Variants in SLC44A5 observed in about 807,000 individuals in gnomAD.
SLC44A5 encodes solute carrier family 44 member 5, also known as choline transporter-like protein 5.
Under a neutral mutation model 101.8 loss-of-function variants are expected in SLC44A5, and 57 were observed. The ratio of observed to expected loss-of-function variants is 0.56; its 90% CI spans 0.45 to 0.70. The LOEUF (loss-of-function observed/expected upper bound fraction) is 0.70, where lower values mean the gene tolerates loss of function less well. Ranked by LOEUF, SLC44A5 falls within the 30% of genes least tolerant of loss-of-function variation. The pLI is 0.00. For missense variants in SLC44A5, 737 were observed against 853.1 expected, an observed-to-expected ratio of 0.86 and a Z score of 1.70; for synonymous variants, 281 against 290.9, an observed-to-expected ratio of 0.97 and a Z score of 0.35.
chr1:75,226,372 C>A (rs1647195221), intron 13 of SLC44A5, among the ~76,000 whole-genome samples: 1 of 151,958 alleles, frequency 6.6e-6, no homozygotes, highest in African/African-American at 2.4e-5. Flanking sequence ...CTGTCTGAGC[C>A]CCTTTGCTAA....
At chr1:75,269,318 C>T (rs959081504) in intron 6 of SLC44A5, among the ~76,000 whole-genome samples, 1 of 151,852 alleles carries the variant, frequency 6.6e-6, no homozygotes, top group African/African-American at 2.4e-5. Flanking sequence ...GGTGTTGATA[C>T]ATTTGGTCAG....
chr1:75,677,038 T>C, the SLC44A5 span, among the ~76,000 whole-genome samples: 2 of 152,142 alleles, frequency 1.3e-5, no homozygotes, highest in African/African-American at 4.8e-5. Context: ...ATTAAGGACT[T>C]TCCCAGATAA....
intron 12 of SLC44A5, 92 bp from the exon 13 acceptor site, chr1:75,227,949 A>G: frequency 9.8e-7 from 1 of 1,021,302 alleles, no homozygotes. Flanking sequence ...TATGAAACTG[A>G]TCAGCATGGT....
At chr1:75,423,706 T>C (rs1051453737) in intron 2 of SLC44A5, among the ~76,000 whole-genome samples, 3 of 152,244 alleles carry the variant, frequency 2.0e-5, no homozygotes, top group Non-Finnish European at 4.4e-5. Flanking sequence ...GACGCACTTA[T>C]CTGTTTACTA....
At chr1:75,289,859 T>C (rs180720291) in intron 5 of SLC44A5, among the ~76,000 whole-genome samples, 2 of 152,324 alleles carry the variant, frequency 1.3e-5, no homozygotes, top group Admixed American at 1.3e-4. Flanking sequence ...TACATTGTCA[T>C]GGACTACAAA....
chr1:75,221,498 A>G (rs1647079717), intron 14 of SLC44A5, among the ~76,000 whole-genome samples: 1 of 152,166 alleles, frequency 6.6e-6, no homozygotes, highest in South Asian at 2.1e-4. Flanking sequence ...CTCTTGGTAT[A>G]AAGTGTTCCT....
At chr1:75,517,469 G>T (rs903229983) in intron 2 of SLC44A5, among the ~76,000 whole-genome samples, 3 of 152,176 alleles carry the variant, frequency 2.0e-5, no homozygotes, top group Middle Eastern at 3.4e-3. Context: ...AGGAGTGGAG[G>T]TGGATCAAAC....
At chr1:75,615,587 C>G (rs1400819856), upstream of SLC44A5, among the ~76,000 whole-genome samples, 2 of 152,086 alleles carry the variant, frequency 1.3e-5, no homozygotes, top group Non-Finnish European at 2.9e-5. Flanking sequence ...TACCCAAGCT[C>G]GCCGAGTAGC....
At chr1:75,599,012 T>C (rs1674814784) in intron 1 of SLC44A5, among the ~76,000 whole-genome samples, 1 of 152,216 alleles carries the variant, frequency 6.6e-6, no homozygotes, top group Admixed American at 6.5e-5. Context: ...CAGTTAATTA[T>C]GCCAGTTATG....
intron 2 of SLC44A5, among the ~76,000 whole-genome samples, chr1:75,437,021 C>A (rs779183254): frequency 1.3e-5 from 2 of 152,114 alleles, no homozygotes; most frequent in Non-Finnish European, 2.9e-5. Flanking sequence ...GAGCTGTCAT[C>A]TTCTATGATA....
the SLC44A5 span, among the ~76,000 whole-genome samples, chr1:75,714,057 C>A: frequency 3.3e-5 from 5 of 152,006 alleles, no homozygotes; most frequent in African/African-American, 9.6e-5. Flanking sequence ...CTTGGCCTCC[C>A]AAAGTGCTGA....
chr1:75,619,083 G>T, the SLC44A5 span, among the ~76,000 whole-genome samples: 4 of 85,044 alleles, frequency 4.7e-5, no homozygotes, highest in Non-Finnish European at 7.2e-5. Flanking sequence ...AAAAAAAGGG[G>T]GGGGGGAAGG....
At chr1:75,478,823 T>C (rs893432967) in intron 2 of SLC44A5, among the ~76,000 whole-genome samples, 1 of 152,240 alleles carries the variant, frequency 6.6e-6, no homozygotes, top group African/African-American at 2.4e-5. Context: ...CACCCCACTG[T>C]CAACATTAGA....
rs879912486 is a variant in SLC44A5, at chr1:75,596,206, A to G, written c.-70+14834T>C. Among the ~76,000 whole-genome samples, 1,254 of 151,312 alleles carry G rather than the reference A, an allele frequency of 8.3e-3. 19 individuals are homozygous for G. The highest frequency in any genetic ancestry group is 0.025 in the African/African-American group (1,053 of 41,338). ...AGTTCAACATAGTAGACACATGCAC[A>G]CACACACACACACACACACACAATG... On this transcript the variant is annotated intron_variant, in intron 1 of 23. Transcript: ENST00000370859.
chr1:75,259,281 A>G (rs986180931), intron 6 of SLC44A5, among the ~76,000 whole-genome samples: 2 of 152,220 alleles, frequency 1.3e-5, no homozygotes, highest in African/African-American at 4.8e-5. Flanking sequence ...AAGAACCTTG[A>G]GAAAAGGTTA....
chr1:75,457,519 T>A (rs1210580270), intron 2 of SLC44A5, among the ~76,000 whole-genome samples: 1 of 152,098 alleles, frequency 6.6e-6, no homozygotes, highest in Non-Finnish European at 1.5e-5. Context: ...CATCATCCTA[T>A]AAGCTCTCTG....
upstream of SLC44A5, among the ~76,000 whole-genome samples, chr1:75,613,054 G>A (rs1675724781): frequency 6.6e-6 from 1 of 152,118 alleles, no homozygotes; most frequent in African/African-American, 2.4e-5. Context: ...TTAAGAAACT[G>A]CATTTCTCTT....
intron 10 of SLC44A5, among the ~76,000 whole-genome samples, chr1:75,237,279 G>C (rs1648177302): frequency 6.6e-6 from 1 of 152,066 alleles, no homozygotes; most frequent in African/African-American, 2.4e-5. Flanking sequence ...CACGCAGAGA[G>C]AACATGGTTT....
chr1:75,442,990 T>A (rs996277073), intron 2 of SLC44A5, among the ~76,000 whole-genome samples: 5 of 152,164 alleles, frequency 3.3e-5, no homozygotes, highest in African/African-American at 1.2e-4. Context: ...GAAGAAATCA[T>A]AACAAAACCT....
Sources: gnomAD v4.1 joint callset for allele counts (sites outside exome capture counted in the v4.1 genomes callset) on GRCh38, gnomAD v4.1.1 for gene constraint, MANE v1.5 for transcripts, NCBI Gene and HGNC (gene_info 2026-07-23, HGNC 2026-07-21) for gene names.